The following RTCB variants were observed in gnomAD, a reference collection of about 807,000 sequenced individuals.
The protein encoded by RTCB is RNA-splicing ligase RTCB.
RTCB carries 32 observed loss-of-function variants against 58.2 expected under a neutral mutation model. The ratio of observed to expected loss-of-function variants is 0.55; its 90% CI spans 0.41 to 0.74. The LOEUF (loss-of-function observed/expected upper bound fraction) is 0.74. Among genes scored for constraint, RTCB ranks in the 30% least tolerant of loss-of-function variants. RTCB has a pLI of 0.00. For missense variants in RTCB, 523 were observed against 639.0 expected, an observed-to-expected ratio of 0.82 and a Z score of 1.96; for synonymous variants, 247 against 218.6, an observed-to-expected ratio of 1.13 and a Z score of -1.15.
At position 32,395,211 on chromosome 22, in the gene RTCB, A is replaced by G; in HGVS notation, c.994T>C (p.Phe332Leu). The change falls in exon 9 of 12, where the codon TTC becomes CTC. Residue 332 changes from phenylalanine (F) to leucine (L), a missense_variant. Coordinates refer to ENST00000216038, the MANE Select transcript of RTCB (RefSeq NM_014306.5). ...GGGGTTGTGTTGAAGACCTTGGCGA[A>G]AGCCTAGGAGAAAACACAGAAGATA... ...SSMTFLTRQA[F>L]AKVFNTTPDD... 5.6e-6 allele frequency: 9 copies of G among 1,613,878 alleles called. No homozygotes were observed. The highest frequency in any genetic ancestry group is 7.6e-6 in the Non-Finnish European group (9 of 1,179,808).
chr22:32,406,623 T>C, intron 4 of RTCB, 39 bp downstream of exon 4: 4 of 1,460,372 alleles, frequency 2.7e-6, no homozygotes, highest in Non-Finnish European at 3.8e-6. Context: ...GCCCGGCCAA[T>C]GCTACACACT....
At chr22:32,388,503 T>A (rs1222907986) in intron 11 of RTCB, among the ~76,000 whole-genome samples, 1 of 152,208 alleles carries the variant, frequency 6.6e-6, no homozygotes. Flanking sequence ...TTTCTGCAGT[T>A]ATCAAAATTT....
At chr22:32,410,528 C>G (rs982952875) in intron 1 of RTCB, among the ~76,000 whole-genome samples, 1 of 152,008 alleles carries the variant, frequency 6.6e-6, no homozygotes. Context: ...AGTCTCTATT[C>G]CCAAAGGAAA....
intron 1 of RTCB, among the ~76,000 whole-genome samples, chr22:32,409,912 G>A (rs1259037206): frequency 1.3e-5 from 2 of 151,690 alleles, no homozygotes; most frequent in Non-Finnish European, 2.9e-5. Flanking sequence ...CTGCCTCCTG[G>A]GTTCACGCCA....
chr22:32,412,126 A>T lies in RTCB; in HGVS notation c.31T>A (p.Phe11Ile), dbSNP rs1185957170. 1.2e-6 allele frequency: 2 copies of T among 1,606,184 alleles called. No individual in the cohort carries two copies. The highest frequency in any genetic ancestry group is 1.7e-5 in the Admixed American group (1 of 58,916). The part of the protein sequence containing the change: MSRSYNDELQ[F>I]LEKINKNCWR... ...CAGTTTTTATTGATCTTCTCCAAGAACTGCAGCTCATCATTATAGCTGCGA... is the reference window on the plus strand; with the variant it reads ...CAGTTTTTATTGATCTTCTCCAAGATCTGCAGCTCATCATTATAGCTGCGA... The change falls in exon 1 of 12, where the codon TTC becomes ATC. Residue 11 changes from phenylalanine to isoleucine, a missense_variant. This residue lies in a region of RTCB where 134 missense variants were observed against 129.9 expected (regional missense o/e 1.03). Transcript: ENST00000216038.
intron 2 of RTCB, 108 bp from the exon 3 acceptor site, chr22:32,408,350 C>T (rs1046381438): frequency 1.5e-5 from 13 of 851,156 alleles, no homozygotes; most frequent in Non-Finnish European, 2.5e-5. Flanking sequence ...ATTAGGGCTA[C>T]TAAGACAACA....
intron 10 of RTCB, among the ~76,000 whole-genome samples, chr22:32,393,538 A>G (rs1266853003): frequency 6.6e-6 from 1 of 152,216 alleles, no homozygotes; most frequent in African/African-American, 2.4e-5. Flanking sequence ...ACAAAGGAGC[A>G]GGTCCAGTCA....
chr22:32,399,480 T>A (rs1933299541), intron 6 of RTCB, 123 bp downstream of exon 6: 1 of 946,818 alleles, frequency 1.1e-6, no homozygotes, highest in African/African-American at 1.7e-5. Flanking sequence ...AATTTGTATT[T>A]TTTGATATAC....
rs755561293 is a variant in RTCB at position 32,395,159 on chromosome 22, T to C, written c.1046A>G (p.Tyr349Cys). ...TTTGGCAATGTTGTGAGAAACATCA[T>C]AGATCACATGTAGGTCCAAGTCATC... ...TPDDLDLHVI[Y>C]DVSHNIAKVE... Residue 349 changes from tyrosine to cysteine, a missense_variant, in exon 9 of 12, where the codon TAT becomes TGT. Tyr to Cys is a radical substitution (Grantham distance 194). This residue lies in a region of RTCB where 248 missense variants were observed against 292.5 expected (regional missense o/e 0.85). Coordinates refer to ENST00000216038, the MANE Select transcript of RTCB (RefSeq NM_014306.5). The C allele has an allele frequency of 6.2e-7, 1 of 1,614,074 alleles. No homozygotes were observed. Among genetic ancestry groups the C allele is most frequent in the Non-Finnish European group, 8.5e-7 (1 of 1,180,040 alleles).
intron 3 of RTCB, 116 bp from the exon 4 acceptor site, chr22:32,406,877 G>T: frequency 1.6e-6 from 1 of 639,140 alleles, no homozygotes. Context: ...CCTAAATCAA[G>T]ACTGTGTTTT....
At chr22:32,393,422 G>A (rs895082897) in intron 10 of RTCB, among the ~76,000 whole-genome samples, 1 of 152,170 alleles carries the variant, frequency 6.6e-6, no homozygotes, top group Non-Finnish European at 1.5e-5. Flanking sequence ...GAGAGGCAGT[G>A]TTTTGAAATG....
chr22:32,411,877 G>T (rs1227995115), intron 1 of RTCB, among the ~76,000 whole-genome samples, 187 bp downstream of exon 1: 1 of 152,204 alleles, frequency 6.6e-6, no homozygotes, highest in Non-Finnish European at 1.5e-5. Flanking sequence ...GACCTCTCCT[G>T]GCGGGAGGTG....
chr22:32,400,145 T>G (rs1259581417), intron 5 of RTCB, among the ~76,000 whole-genome samples: 1 of 152,198 alleles, frequency 6.6e-6, no homozygotes. Context: ...CTTAATCAGC[T>G]ATCACTCTCT....
chr22:32,390,133 C>T (rs1933127619), intron 11 of RTCB, among the ~76,000 whole-genome samples: 1 of 152,190 alleles, frequency 6.6e-6, no homozygotes, highest in African/African-American at 2.4e-5. Context: ...CCCACCTTTC[C>T]TTACCACCTT....
intron 3 of RTCB, 26 bp from the exon 4 acceptor site, chr22:32,406,787 A>G (rs1933432824): frequency 2.0e-6 from 3 of 1,529,692 alleles, no homozygotes; most frequent in Non-Finnish European, 9.0e-7. Context: ...AAAATGAAAT[A>G]CAAGTGTCTT....
At chr22:32,404,766 C>T (rs1933392753) in intron 4 of RTCB, among the ~76,000 whole-genome samples, 1 of 152,158 alleles carries the variant, frequency 6.6e-6, no homozygotes, top group Non-Finnish European at 1.5e-5. Flanking sequence ...GCAACCTCTG[C>T]CTCCTAGACC....
Position 32,392,374 on chromosome 22 carries a change from G to A in RTCB, c.1291-15C>T. ...AATGCACGGCCCTAGAATGGGAAAG[G>A]AATGAACTTTACTTTAAACCCTAAG... On this transcript the variant is annotated splice_polypyrimidine_tract_variant and intron_variant, in intron 10 of 11. Transcript: ENST00000216038. The A allele has an allele frequency of 6.2e-7, 1 of 1,613,386 alleles. No individual in the cohort carries two copies.
At position 32,407,205 on chromosome 22, in the gene RTCB, A is replaced by G. The variant is rs554581243; in HGVS notation, c.241-444T>C. 1.9e-5 allele frequency: 3 copies of G among 159,698 alleles called. No individual in the cohort carries two copies. The South Asian group carries it at 5.2e-4, about 28-fold the overall frequency. The allele number at this position is 159,698 out of a possible 1,614,324, so 9.9% of individuals were successfully genotyped here. On this transcript the variant is annotated intron_variant, in intron 3 of 11. Transcript: ENST00000216038. ...ATGGTATAAATACTGTAGACTTCCT[A>G]CATGTGGAGCCTAGAAAAGGACCCT... is the stretch of plus-strand genomic sequence containing the variant.
chr22:32,402,017 T>C, intron 4 of RTCB, 114 bp from the exon 5 acceptor site: 1 of 1,133,584 alleles, frequency 8.8e-7, no homozygotes, highest in South Asian at 1.6e-5. Context: ...TAACTATGTT[T>C]TAAAGTAGAC....
Sources: allele counts gnomAD v4.1 joint callset (sites outside exome capture counted in the v4.1 genomes callset), GRCh38; gene constraint gnomAD v4.1.1; regional missense constraint gnomAD v4.1.1; transcripts MANE v1.5; gene names NCBI Gene and HGNC (gene_info 2026-07-23, HGNC 2026-07-21).